The following CUL5 variants were observed in gnomAD, a reference collection of about 807,000 sequenced individuals.
The protein encoded by CUL5 is cullin-5.
In CUL5, 26 loss-of-function variants were observed where a neutral mutation model predicts 108.8. The observed-to-expected ratio is 0.24, with a 90% confidence interval of 0.18 to 0.33. CUL5 has a LOEUF of 0.33. Among genes scored for constraint, CUL5 ranks in the 10% least tolerant of loss-of-function variants. The pLI, the probability that CUL5 is intolerant of heterozygous loss-of-function variation, is 1.00. For synonymous variants in CUL5, 334 were observed against 298.0 expected, an observed-to-expected ratio of 1.12 and a Z score of -1.25; for missense variants, 524 against 909.2, an observed-to-expected ratio of 0.58 and a Z score of 5.45.
rs1342301050 is a variant in CUL5 at position 108,089,578 on chromosome 11, C to A, written c.1398C>A (p.Ile466=). ...TGACACGACGTCTTATATTAGACATCTCTGCCGATAGTGAAATTGAAGAAA... is the reference window on the plus strand; with the variant it reads ...TGACACGACGTCTTATATTAGACATATCTGCCGATAGTGAAATTGAAGAAA... ...AHLTRRLILD[I]SADSEIEENM... The change falls in exon 13 of 19, where the codon ATC becomes ATA. Residue 466 remains isoleucine (I), a synonymous_variant. Coordinates refer to ENST00000393094, the MANE Select transcript of CUL5 (RefSeq NM_003478.6). 1.3e-6 allele frequency: 2 copies of A among 1,556,744 alleles called. No individual in the cohort carries two copies. The highest frequency in any genetic ancestry group is 1.2e-5 in the South Asian group (1 of 80,364).
intron 8 of CUL5, 43 bp downstream of exon 8, chr11:108,070,232 G>T: frequency 7.1e-7 from 1 of 1,403,042 alleles, no homozygotes; most frequent in Admixed American, 1.8e-5. Flanking sequence ...CTTCTAAGAG[G>T]GTATCTTTGA....
chr11:108,050,909 A>G (rs1349401489), intron 4 of CUL5, among the ~76,000 whole-genome samples: 1 of 152,232 alleles, frequency 6.6e-6, no homozygotes, highest in Non-Finnish European at 1.5e-5. Flanking sequence ...GAAGGGTCCT[A>G]GGTTTCCCTT....
intron 2 of CUL5, among the ~76,000 whole-genome samples, chr11:108,043,171 C>G (rs1339678364): frequency 6.6e-6 from 1 of 152,194 alleles, no homozygotes; most frequent in Non-Finnish European, 1.5e-5. Context: ...CTTCTGAGTT[C>G]AAGTGATCTT....
intron 3 of CUL5, 61 bp downstream of exon 3, chr11:108,046,430 ATT>A: frequency 1.0e-6 from 1 of 957,202 alleles, no homozygotes; most frequent in Non-Finnish European, 1.6e-6. Context: ...ATCATATTTT[ATT>A]ATTTTGAAAG....
chr11:108,086,254 A>AT (rs1260302506), intron 11 of CUL5, among the ~76,000 whole-genome samples: 1 of 152,216 alleles, frequency 6.6e-6, no homozygotes, highest in African/African-American at 2.4e-5. Flanking sequence ...GAAAACAATA[A>AT]TAAAACTTTT....
chr11:108,041,189 C>T (rs767901682), intron 2 of CUL5, among the ~76,000 whole-genome samples: 13 of 152,316 alleles, frequency 8.5e-5, no homozygotes, highest in Middle Eastern at 3.4e-3. Context: ...ATCACACCTA[C>T]ACCCAGCTTT....
chr11:108,093,349 G>C (rs775994910), intron 13 of CUL5, among the ~76,000 whole-genome samples: 36 of 152,070 alleles, frequency 2.4e-4, no homozygotes, highest in Admixed American at 4.6e-4. Context: ...TTTTTGCCAG[G>C]ATCACTTCTT....
In CUL5 at chr11:108,097,746, C is replaced by G. The variant is rs748500386; in HGVS notation, c.2016C>G (p.Phe672Leu). ...EGTLFSVNQEFSLIKNAKVQK... is the reference protein window; with the variant it reads ...EGTLFSVNQELSLIKNAKVQK... ...CCCTCTTCTCAGTGAACCAGGAGTT[C>G]AGTTTAATGTAAGCTCGTTAGTTGA... is the stretch of plus-strand genomic sequence containing the variant. Residue 672 changes from phenylalanine to leucine, a missense_variant, in exon 17 of 19, where the codon TTC becomes TTG. Physicochemically the swap from Phe to Leu is conservative, Grantham distance 22. Transcript: ENST00000393094. 1 of 1,567,272 alleles carries G rather than the reference C, an allele frequency of 6.4e-7. No individual in the cohort carries two copies.
At chr11:108,073,058 C>T (rs1172570603) in intron 9 of CUL5, among the ~76,000 whole-genome samples, 2 of 151,776 alleles carry the variant, frequency 1.3e-5, no homozygotes, top group East Asian at 3.9e-4. Context: ...AAAAAATAGC[C>T]AGGCGGGGTG....
intron 11 of CUL5, among the ~76,000 whole-genome samples, chr11:108,086,485 A>G (rs887799404): frequency 6.6e-6 from 1 of 152,186 alleles, no homozygotes; most frequent in African/African-American, 2.4e-5. Context: ...AGGGAGGTAG[A>G]TCACTTTGAT....
rs527891837 is a variant in CUL5, at chr11:108,046,125, C to T, written c.135-145C>T. 150 of 467,348 alleles carry T rather than the reference C, an allele frequency of 3.2e-4. 1 individual carries two copies. The highest frequency in any genetic ancestry group is 3.2e-3 in the Middle Eastern group (6 of 1,904). 29.0% of individuals were successfully genotyped at this position (467,348 alleles called of 1,614,324 possible). A position where few individuals can be genotyped will look rare whatever the true frequency, so the allele number is the denominator to read the frequency against. On this transcript the variant is annotated intron_variant, in intron 2 of 18. Coordinates refer to ENST00000393094, the MANE Select transcript of CUL5 (RefSeq NM_003478.6). ...AATGTGTATGTGAGGCAATTACAAGCGTACTTGGTTTATATGAGTGAATTC... is the reference window on the plus strand; with the variant it reads ...AATGTGTATGTGAGGCAATTACAAGTGTACTTGGTTTATATGAGTGAATTC...
chr11:108,088,150 TA>T (rs755918278), intron 11 of CUL5, among the ~76,000 whole-genome samples: 3 of 152,106 alleles, frequency 2.0e-5, no homozygotes, highest in Admixed American at 6.6e-5. Flanking sequence ...ATATTAATCA[TA>T]AAAAGTTTTA....
At chr11:108,076,741 G>A (rs768963400) in intron 10 of CUL5, among the ~76,000 whole-genome samples, 1 of 152,176 alleles carries the variant, frequency 6.6e-6, no homozygotes, top group African/African-American at 2.4e-5. Context: ...AAGAGGGATT[G>A]CTGGGATTAT....
chr11:108,072,207 G>A (rs1863842944), intron 8 of CUL5, 125 bp from the exon 9 acceptor site: 3 of 732,306 alleles, frequency 4.1e-6, no homozygotes, highest in South Asian at 3.0e-5. Context: ...ACAAAAAAAC[G>A]AACAACTACT....
chr11:108,099,717 C>T (rs1045445666), intron 18 of CUL5, among the ~76,000 whole-genome samples: 1 of 152,132 alleles, frequency 6.6e-6, no homozygotes, highest in African/African-American at 2.4e-5. Flanking sequence ...CACCAGTCAT[C>T]TTCCCATGTT....
intron 1 of CUL5, among the ~76,000 whole-genome samples, chr11:108,026,607 C>T (rs1862457314): frequency 1.3e-5 from 2 of 152,144 alleles, no homozygotes; most frequent in Admixed American, 1.3e-4. Context: ...TTTAAATTCA[C>T]TAGCAGTTTC....
chr11:108,072,103 C>G (rs1448125818), intron 8 of CUL5, among the ~76,000 whole-genome samples: 1 of 151,934 alleles, frequency 6.6e-6, no homozygotes, highest in African/African-American at 2.4e-5. Flanking sequence ...TGCTTGCGCC[C>G]AAGAGGTCAA....
intron 2 of CUL5, among the ~76,000 whole-genome samples, chr11:108,036,203 T>A (rs1482854385): frequency 1.3e-5 from 2 of 152,206 alleles, no homozygotes; most frequent in East Asian, 3.8e-4. Flanking sequence ...TTGTCTCTCT[T>A]TTTCCAGGGT....
rs190251434 is a variant in CUL5 at position 108,027,925 on chromosome 11, C to G, written c.25-5877C>G. Among the ~76,000 whole-genome samples the G allele has an allele frequency of 3.9e-5, 6 of 152,274 alleles. No homozygotes were observed. In the East Asian group the frequency reaches 9.7e-4, roughly 25 times the overall value. ...TCCAGAATACCATACTCTTGGTTTT[C>G]TTGCCACCTGTGCTCTGGTTGCTCT... On this transcript the variant is annotated intron_variant, in intron 1 of 18. Transcript: ENST00000393094.
Sources: gnomAD v4.1 joint callset for allele counts (sites outside exome capture counted in the v4.1 genomes callset) on GRCh38, gnomAD v4.1.1 for gene constraint, MANE v1.5 for transcripts, NCBI Gene and HGNC (gene_info 2026-07-23, HGNC 2026-07-21) for gene names.